Variants in DPRX observed in about 807,000 individuals in gnomAD.
DPRX encodes the protein divergent-paired related homeobox.
Under a neutral mutation model 8.4 loss-of-function variants are expected in DPRX, and 11 were observed. The observed-to-expected ratio is 1.31, with a 90% CI of 0.82 to 2.17. The LOEUF (loss-of-function observed/expected upper bound fraction) is 2.17, where lower values mean the gene tolerates loss of function less well. Ranked by LOEUF, DPRX falls within the 30% of genes most tolerant of loss-of-function variation. The probability of loss-of-function intolerance (pLI) is 0.00; values close to 1 mark genes in which losing one functional copy is unlikely to be tolerated. For synonymous variants in DPRX, 72 were observed against 87.0 expected (o/e 0.83, Z 0.96); for missense variants, 211 against 236.7 (o/e 0.89, Z 0.71).
chr19:53,634,045 G>A (rs2091103011), intron 1 of DPRX, among the ~76,000 whole-genome samples: 1 of 152,166 alleles, frequency 6.6e-6, no homozygotes, highest in African/African-American at 2.4e-5. Flanking sequence ...AGGACAAAAG[G>A]CAGATCAAGT....
chr19:53,623,031 C>T, the DPRX span, among the ~76,000 whole-genome samples: 2 of 152,058 alleles, frequency 1.3e-5, no homozygotes, highest in Non-Finnish European at 2.9e-5. Context: ...CTGGGCCAAG[C>T]CCGGTGGCTC....
At chr19:53,604,332 G>A in the DPRX span, 1 of 152,550 alleles carries the variant, frequency 6.6e-6, no homozygotes, top group Non-Finnish European at 1.5e-5. Context: ...AATGCACCGA[G>A]GGGCCAGGAG....
At chr19:53,624,951 C>A in the DPRX span, among the ~76,000 whole-genome samples, 3 of 151,800 alleles carry the variant, frequency 2.0e-5, no homozygotes, top group Admixed American at 6.6e-5. Context: ...ACAAATCAAT[C>A]ACCTCCACCA....
chr19:53,615,373 T>C, the DPRX span, among the ~76,000 whole-genome samples: 1 of 152,200 alleles, frequency 6.6e-6, no homozygotes, highest in African/African-American at 2.4e-5. Flanking sequence ...CTCCACCTCC[T>C]GGGTTCAAGT....
chr19:53,634,214 T>A (rs551850261), intron 1 of DPRX, among the ~76,000 whole-genome samples: 17 of 152,202 alleles, frequency 1.1e-4, no homozygotes, highest in African/African-American at 4.1e-4. Flanking sequence ...GTGGATCACC[T>A]GAGGTCAGGA....
chr19:53,607,406 A>G, the DPRX span, among the ~76,000 whole-genome samples: 104,486 of 151,824 alleles, frequency 0.69, 36,144 homozygotes, highest in Admixed American at 0.75. Context: ...AAAATTTAAA[A>G]ACTTAGCTAG....
At chr19:53,626,981 C>T in the DPRX span, among the ~76,000 whole-genome samples, 2 of 152,084 alleles carry the variant, frequency 1.3e-5, no homozygotes, top group East Asian at 1.9e-4. Flanking sequence ...GGGTTGACTG[C>T]TCGTGGCCCC....
chr19:53,602,273 T>TGG, the DPRX span: 3 of 132,402 alleles, frequency 2.3e-5, no homozygotes, highest in South Asian at 2.2e-4. Context: ...TATGGGTGTG[T>TGG]GTGTGTGTGT....
At chr19:53,610,801 ATTC>A in the DPRX span, among the ~76,000 whole-genome samples, 6 of 152,094 alleles carry the variant, frequency 3.9e-5, no homozygotes, top group Non-Finnish European at 7.4e-5. Context: ...CCCGGAGACA[ATTC>A]TTCTTCTTCC....
chr19:53,636,763 C>T lies in DPRX; in HGVS notation c.351C>T (p.Ile117=), dbSNP rs138559564. 3,626 of 1,614,176 alleles carry T rather than the reference C, an allele frequency of 2.2e-3. 5 individuals carry two copies. Among genetic ancestry groups the T allele is most frequent in the Non-Finnish European group, 2.8e-3 (3,255 of 1,180,042 alleles). ...GATTGCCCAACGCTGCTCACCCGAT[C>T]GGCCTGGTGTACACGGGTCATCGAG... The change falls in exon 3 of 3, where the codon ATC becomes ATT. Residue 117 remains isoleucine (I), a synonymous_variant. Transcript: ENST00000376650.
exon 3 of DPRX, chr19:53,636,752 G>T: frequency 6.2e-7 from 1 of 1,614,162 alleles, no homozygotes; most frequent in Non-Finnish European, 8.5e-7. Flanking sequence ...GCCCAACGCT[G>T]CTCACCCGAT....
the DPRX span, among the ~76,000 whole-genome samples, chr19:53,621,566 C>A: frequency 6.6e-6 from 1 of 152,078 alleles, no homozygotes; most frequent in Non-Finnish European, 1.5e-5. Context: ...GAGGCTGAGG[C>A]AGACTGATCA....
chr19:53,608,286 A>AC, the DPRX span: 1 of 151,832 alleles, frequency 6.6e-6, no homozygotes, highest in Admixed American at 6.6e-5. Context: ...TCGTTGGACC[A>AC]CCCCAGCTCG....
chr19:53,618,270 G>A, the DPRX span, among the ~76,000 whole-genome samples: 225 of 151,966 alleles, frequency 1.5e-3, 2 homozygotes, highest in African/African-American at 5.3e-3. Flanking sequence ...CTGACTTTCA[G>A]AAATTAACAT....
chr19:53,627,362 C>T (rs574663216), upstream of DPRX, among the ~76,000 whole-genome samples: 3 of 151,862 alleles, frequency 2.0e-5, no homozygotes, highest in East Asian at 5.8e-4. Context: ...TATACTGAGG[C>T]CTCTCACAAG....
chr19:53,611,425 G>A, the DPRX span, among the ~76,000 whole-genome samples: 34 of 151,866 alleles, frequency 2.2e-4, no homozygotes, highest in Non-Finnish European at 1.3e-4. Context: ...TACAGATGGG[G>A]TTTTGCCATG....
At chr19:53,602,267 GGTGTGTGTGTGTGTGTGTGTGTGTGTGT>G in the DPRX span, 5 of 277,306 alleles carry the variant, frequency 1.8e-5, no homozygotes, top group African/African-American at 5.4e-5. Context: ...TATGGGTATG[GGTGTGTGTGTGTGTGTGTGTGTGTGTGT>G]GTGTGTGTGT....
At chr19:53,612,217 C>T in the DPRX span, among the ~76,000 whole-genome samples, 1 of 151,664 alleles carries the variant, frequency 6.6e-6, no homozygotes, top group Non-Finnish European at 1.5e-5. Context: ...GACCCCATCT[C>T]TACAAAAAAT....
the DPRX span, among the ~76,000 whole-genome samples, chr19:53,624,821 G>A: frequency 6.7e-5 from 7 of 103,846 alleles, no homozygotes; most frequent in Non-Finnish European, 9.2e-5. Context: ...CAGCCTGGGC[G>A]ACAGTCACAA....
Sources: allele counts gnomAD v4.1 joint callset (sites outside exome capture counted in the v4.1 genomes callset), GRCh38; gene constraint gnomAD v4.1.1; transcripts MANE v1.5; gene names NCBI Gene and HGNC (gene_info 2026-07-23, HGNC 2026-07-21).